Variants in ARHGAP10 observed in about 807,000 individuals in gnomAD.
ARHGAP10 encodes rho GTPase-activating protein 10.
In ARHGAP10, 87 loss-of-function variants were observed where a neutral mutation model predicts 108.6. The ratio of observed to expected loss-of-function variants is 0.80; its 90% CI spans 0.67 to 0.96. The LOEUF is 0.96. Ranked by LOEUF, ARHGAP10 falls within the 40% of genes least tolerant of loss-of-function variation. The pLI is 0.00. For missense variants in ARHGAP10, 939 were observed against 954.5 expected (o/e 0.98, Z 0.21); for synonymous variants, 347 against 341.1 (o/e 1.02, Z -0.19).
At chr4:147,753,230 AC>A (rs1209621954) in intron 1 of ARHGAP10, among the ~76,000 whole-genome samples, 1 of 152,168 alleles carries the variant, frequency 6.6e-6, no homozygotes, top group East Asian at 1.9e-4. Context: ...ACCTTCTTAC[AC>A]CATAGATAAG....
chr4:147,973,852 T>C (rs1308798782), intron 18 of ARHGAP10, among the ~76,000 whole-genome samples: 2 of 152,218 alleles, frequency 1.3e-5, no homozygotes, highest in Admixed American at 1.3e-4. Context: ...ATCCATGCCA[T>C]TGTAAATGAC....
At chr4:147,748,884 G>A (rs541784756) in intron 1 of ARHGAP10, among the ~76,000 whole-genome samples, 2 of 152,216 alleles carry the variant, frequency 1.3e-5, no homozygotes, top group Admixed American at 6.5e-5. Flanking sequence ...GCTTGAATCC[G>A]GGAGATTGAT....
chr4:147,736,616 A>G (rs796602961), intron 1 of ARHGAP10, among the ~76,000 whole-genome samples: 6 of 152,318 alleles, frequency 3.9e-5, no homozygotes, highest in African/African-American at 1.2e-4. Context: ...TTCCCCTCTG[A>G]CAATCCAGAT....
At chr4:147,988,370 A>G (rs551862849) in intron 18 of ARHGAP10, among the ~76,000 whole-genome samples, 1 of 151,948 alleles carries the variant, frequency 6.6e-6, no homozygotes, top group South Asian at 2.1e-4. Context: ...GTTTTCTGAG[A>G]TCTTAGTCTC....
intron 22 of ARHGAP10, among the ~76,000 whole-genome samples, chr4:148,071,462 A>G (rs966826863): frequency 1.3e-5 from 2 of 152,166 alleles, no homozygotes; most frequent in Non-Finnish European, 2.9e-5. Flanking sequence ...CTAAAAATAC[A>G]AAAATTAGCC....
At chr4:147,829,329 A>G in intron 3 of ARHGAP10, among the ~76,000 whole-genome samples, 1 of 152,070 alleles carries the variant, frequency 6.6e-6, no homozygotes, top group Non-Finnish European at 1.5e-5. Context: ...CTGGGATTAC[A>G]GGTGTGAGCC....
intron 1 of ARHGAP10, among the ~76,000 whole-genome samples, chr4:147,740,419 G>C (rs1424609119): frequency 1.3e-5 from 2 of 152,146 alleles, no homozygotes; most frequent in African/African-American, 4.8e-5. Flanking sequence ...CTGTAAAGGG[G>C]TGTAACCGTG....
At chr4:147,865,470 G>A (rs1490012851) in intron 6 of ARHGAP10, 1 of 152,758 alleles carries the variant, frequency 6.5e-6, no homozygotes, top group Non-Finnish European at 1.5e-5. Context: ...CATGATTTTT[G>A]TTTGTGATTA....
At chr4:147,736,986 G>A (rs1182066683) in intron 1 of ARHGAP10, among the ~76,000 whole-genome samples, 1 of 152,122 alleles carries the variant, frequency 6.6e-6, no homozygotes, top group East Asian at 1.9e-4. Context: ...TTGGGCCTGA[G>A]GGTAAGTGGC....
At chr4:147,774,833 C>T (rs1392650680) in intron 1 of ARHGAP10, among the ~76,000 whole-genome samples, 1 of 151,964 alleles carries the variant, frequency 6.6e-6, no homozygotes, top group Non-Finnish European at 1.5e-5. Flanking sequence ...ACAGGACCCC[C>T]AGCTGACATA....
At chr4:147,984,022 G>A (rs969632013) in intron 18 of ARHGAP10, among the ~76,000 whole-genome samples, 9 of 152,138 alleles carry the variant, frequency 5.9e-5, no homozygotes, top group African/African-American at 2.2e-4. Context: ...TATATTGTGT[G>A]TGATTGTTTG....
rs150199032 is a variant in ARHGAP10, at chr4:147,768,026, A to G, written c.154+35571A>G. On this transcript the variant is annotated intron_variant, in intron 1 of 22. Coordinates refer to ENST00000336498, the MANE Select transcript of ARHGAP10 (RefSeq NM_024605.4). The stretch of plus-strand genomic sequence containing the variant: ...GTATAAGTCTTCAGGCATGAAACAT[A>G]TATTTGTTAATGGACTATTCCGGGA... 3.1e-3 allele frequency among the ~76,000 whole-genome samples: 479 copies of G among 152,334 alleles called. 3 individuals carry two copies. Among genetic ancestry groups the G allele is most frequent in the African/African-American group, 0.011 (450 of 41,588 alleles).
At chr4:147,879,149 T>C in intron 8 of ARHGAP10, 83 bp from the exon 9 acceptor site, 1 of 1,115,270 alleles carries the variant, frequency 9.0e-7, no homozygotes, top group Non-Finnish European at 1.3e-6. Context: ...GTTTTAGACA[T>C]TTCCTCTTTA....
At chr4:147,747,293 T>C (rs1728970106) in intron 1 of ARHGAP10, among the ~76,000 whole-genome samples, 1 of 152,230 alleles carries the variant, frequency 6.6e-6, no homozygotes, top group Non-Finnish European at 1.5e-5. Context: ...TCCAAGTGTC[T>C]GCCTCTTTGT....
chr4:148,003,053 G>A (rs768040758), intron 18 of ARHGAP10, among the ~76,000 whole-genome samples: 4 of 152,178 alleles, frequency 2.6e-5, no homozygotes, highest in Non-Finnish European at 5.9e-5. Flanking sequence ...TGGGCATTTA[G>A]TGCTATAAAT....
At position 147,785,083 on chromosome 4, in the gene ARHGAP10, T is replaced by TGAA. The variant is rs1553949788; in HGVS notation, c.155-37644_155-37643insGAA. 5.1e-5 allele frequency among the ~76,000 whole-genome samples: 6 copies of TGAA among 118,790 alleles called. No homozygotes were observed. The South Asian group carries it at 1.6e-3, about 31-fold the overall frequency. The allele number at this position is 118,790 out of a possible 152,430, so 77.9% of individuals were successfully genotyped here. A position where few individuals can be genotyped will look rare whatever the true frequency, so the allele number is the denominator to read the frequency against. ...ATGAAATGTATGGACGACTATTTTC[T>TGAA]AAAAAAAAAAAAAAAAAGAATAACA... On this transcript the variant is annotated intron_variant, in intron 1 of 22. Coordinates refer to ENST00000336498, the MANE Select transcript of ARHGAP10 (RefSeq NM_024605.4).
intron 13 of ARHGAP10, among the ~76,000 whole-genome samples, chr4:147,928,141 C>T (rs1361700523): frequency 6.6e-6 from 1 of 152,160 alleles, no homozygotes; most frequent in Admixed American, 6.5e-5. Flanking sequence ...TTCTACCTTT[C>T]GTATTTGAGA....
At chr4:147,936,119 TAGC>T (rs1737922486) in intron 13 of ARHGAP10, among the ~76,000 whole-genome samples, 12 of 152,154 alleles carry the variant, frequency 7.9e-5, no homozygotes, top group Admixed American at 7.9e-4. Context: ...TAAGCTTTCT[TAGC>T]TAGAGTAGTA....
intron 7 of ARHGAP10, among the ~76,000 whole-genome samples, chr4:147,868,885 C>T (rs557729161): frequency 2.0e-5 from 3 of 152,206 alleles, no homozygotes; most frequent in South Asian, 2.1e-4. Context: ...CCATGTGACC[C>T]GGTTCCTAAC....
Sources: gnomAD v4.1 joint callset for allele counts (sites outside exome capture counted in the v4.1 genomes callset) on GRCh38, gnomAD v4.1.1 for gene constraint, MANE v1.5 for transcripts, NCBI Gene and HGNC (gene_info 2026-07-23, HGNC 2026-07-21) for gene names.